CACNA2D1: variants seen among roughly 807,000 people sequenced by gnomAD.
CACNA2D1 encodes the protein voltage-dependent calcium channel subunit alpha-2/delta-1.
In CACNA2D1, 53 loss-of-function variants were observed where a neutral mutation model predicts 171.5. The ratio of observed to expected loss-of-function variants is 0.31; its 90% CI spans 0.25 to 0.39. The LOEUF (loss-of-function observed/expected upper bound fraction) is 0.39. CACNA2D1 is among the 10% of genes least tolerant of loss of function. CACNA2D1 has a pLI of 1.00. For missense variants in CACNA2D1, 903 were observed against 1,299.8 expected (o/e 0.69, Z 4.69); for synonymous variants, 442 against 443.1 (o/e 1.00, Z 0.03).
chr7:82,411,533 T>C (rs1222064358), intron 1 of CACNA2D1, among the ~76,000 whole-genome samples: 1 of 152,130 alleles, frequency 6.6e-6, no homozygotes, highest in African/African-American at 2.4e-5. Context: ...AGCTGATGAT[T>C]CAAAAGATAA....
At chr7:82,010,880 A>G (rs1799701994) in intron 15 of CACNA2D1, among the ~76,000 whole-genome samples, 1 of 152,120 alleles carries the variant, frequency 6.6e-6, no homozygotes, top group Non-Finnish European at 1.5e-5. Flanking sequence ...CCAAGTAGGG[A>G]AAAGGGTTAC....
intron 12 of CACNA2D1, among the ~76,000 whole-genome samples, chr7:82,016,113 GT>G (rs1266380953): frequency 6.6e-6 from 1 of 152,110 alleles, no homozygotes; most frequent in Non-Finnish European, 1.5e-5. Flanking sequence ...AAATGCAATG[GT>G]TTCATTTTCT....
intron 3 of CACNA2D1, among the ~76,000 whole-genome samples, chr7:82,204,294 C>T (rs921161148): frequency 3.3e-5 from 5 of 152,132 alleles, no homozygotes; most frequent in African/African-American, 1.2e-4. Flanking sequence ...GGGAGCTTAT[C>T]GAGTCTTAGC....
Position 82,005,846 on chromosome 7 carries a change from T to C in CACNA2D1, c.1441-7A>G. On this transcript the variant is annotated splice_polypyrimidine_tract_variant and splice_region_variant and intron_variant, in intron 16 of 38. Transcript: ENST00000356860. ...CACCAAGAATCAGCTGGTTCTATAA[T>C]AAGAGGGCAAAAAATGGCATTTTAT... 2 of 1,579,362 alleles carry C rather than the reference T, an allele frequency of 1.3e-6. No homozygotes were observed. The highest frequency in any genetic ancestry group is 1.7e-6 in the Non-Finnish European group (2 of 1,148,990).
intron 3 of CACNA2D1, among the ~76,000 whole-genome samples, chr7:82,205,962 T>G (rs1293345025): frequency 6.6e-6 from 1 of 152,144 alleles, no homozygotes; most frequent in African/African-American, 2.4e-5. Flanking sequence ...TTTTGTTAAC[T>G]AGTTAATTAA....
Position 82,443,455 on chromosome 7 carries a change from G to A in CACNA2D1, c.5C>T (p.Ala2Val). 6.2e-7 allele frequency: 1 copy of A among 1,607,280 alleles called. No homozygotes were observed. ...AGTCAAGGCCAGCAGGCAGCCAGCAGCCATCTTCGCGATCGAAGATCAATG... is the reference window on the plus strand; with the variant it reads ...AGTCAAGGCCAGCAGGCAGCCAGCAACCATCTTCGCGATCGAAGATCAATG... M[A>V]AGCLLALTLT... Residue 2 changes from alanine to valine, a missense_variant, in exon 1 of 39, where the codon GCT (alanine) becomes GTT (valine). By Grantham distance (64) the Ala-to-Val change is moderately conservative (BLOSUM62 0). Coordinates refer to ENST00000356860, the MANE Select transcript of CACNA2D1 (RefSeq NM_000722.4).
chr7:82,014,529 C>A, intron 12 of CACNA2D1, 50 bp from the exon 13 acceptor site: 1 of 978,050 alleles, frequency 1.0e-6, no homozygotes, highest in South Asian at 1.3e-5. Context: ...AAATTTAATT[C>A]AATGGCAAAA....
Position 82,443,488 on chromosome 7 carries a change from C to T in CACNA2D1, c.-29G>A. 6.2e-7 allele frequency: 1 copy of T among 1,601,608 alleles called. No homozygotes were observed. The highest frequency in any genetic ancestry group is 2.3e-5 in the East Asian group (1 of 44,106). On this transcript the variant is annotated 5_prime_UTR_variant, in exon 1 of 39. Transcript: ENST00000356860. ...CGCGATCGAAGATCAATGCCCCCTC[C>T]CTGCCCAAGCGGGGGAAGGAGCGGC...
chr7:82,094,684 G>A (rs575804888), intron 6 of CACNA2D1, among the ~76,000 whole-genome samples: 1 of 84,968 alleles, frequency 1.2e-5, no homozygotes, highest in East Asian at 2.6e-4. Context: ...CAAAACCTTA[G>A]ATTTTTCAAA....
chr7:82,218,075 C>T (rs986771106), intron 3 of CACNA2D1, among the ~76,000 whole-genome samples: 4 of 151,888 alleles, frequency 2.6e-5, no homozygotes, highest in Non-Finnish European at 5.9e-5. Context: ...GCTGGGACTA[C>T]AGGCACCCAC....
intron 3 of CACNA2D1, among the ~76,000 whole-genome samples, chr7:82,237,242 A>G (rs1803690784): frequency 2.8e-5 from 4 of 145,130 alleles, no homozygotes; most frequent in African/African-American, 9.7e-5. Flanking sequence ...AAAATACTAA[A>G]CTAATGATAA....
At chr7:82,413,241 CTT>C (rs1383247226) in intron 1 of CACNA2D1, among the ~76,000 whole-genome samples, 1 of 151,988 alleles carries the variant, frequency 6.6e-6, no homozygotes, top group Non-Finnish European at 1.5e-5. Flanking sequence ...GCAAAAGAAA[CTT>C]CATATTAATT....
chr7:82,180,373 C>A (rs1314143260), intron 3 of CACNA2D1, among the ~76,000 whole-genome samples: 1 of 152,100 alleles, frequency 6.6e-6, no homozygotes, highest in African/African-American at 2.4e-5. Flanking sequence ...GTTTGAGAGT[C>A]CAGAGATACT....
chr7:82,027,560 T>C (rs1802088718), intron 12 of CACNA2D1: 2 of 151,742 alleles, frequency 1.3e-5, no homozygotes, highest in Admixed American at 6.6e-5. Flanking sequence ...TATAATAATG[T>C]ATAAGGTCTT....
At chr7:82,189,215 C>T (rs1031324109) in intron 3 of CACNA2D1, among the ~76,000 whole-genome samples, 54 of 152,034 alleles carry the variant, frequency 3.6e-4, no homozygotes, top group African/African-American at 1.3e-3. Flanking sequence ...CCAATGTCAA[C>T]ACTATGATGA....
At chr7:82,187,922 A>G (rs1269667258) in intron 3 of CACNA2D1, among the ~76,000 whole-genome samples, 1 of 152,172 alleles carries the variant, frequency 6.6e-6, no homozygotes, top group Non-Finnish European at 1.5e-5. Flanking sequence ...GTATGATAGT[A>G]AGATATATCC....
chr7:82,330,408 C>T (rs983642146), intron 3 of CACNA2D1, among the ~76,000 whole-genome samples: 7 of 151,882 alleles, frequency 4.6e-5, no homozygotes, highest in African/African-American at 1.7e-4. Context: ...ACCAAAAAAC[C>T]CTCCACTTTT....
At chr7:82,346,418 C>G (rs1254202301) in intron 2 of CACNA2D1, among the ~76,000 whole-genome samples, 1 of 152,040 alleles carries the variant, frequency 6.6e-6, no homozygotes, top group South Asian at 2.1e-4. Context: ...ATAACTTGGC[C>G]AGATCCTAAA....
chr7:82,015,297 C>T (rs1339255135), intron 12 of CACNA2D1, among the ~76,000 whole-genome samples: 3 of 152,158 alleles, frequency 2.0e-5, no homozygotes, highest in South Asian at 2.1e-4. Context: ...TTGGGATGCA[C>T]ACATATAATT....
Sources: allele counts gnomAD v4.1 joint callset (sites outside exome capture counted in the v4.1 genomes callset), GRCh38; gene constraint gnomAD v4.1.1; transcripts MANE v1.5; gene names NCBI Gene and HGNC (gene_info 2026-07-23, HGNC 2026-07-21).